The following GATAD2A variants were observed in gnomAD, a reference collection of about 807,000 sequenced individuals.
GATAD2A encodes the protein transcriptional repressor p66-alpha.
Under a neutral mutation model 68.5 loss-of-function variants are expected in GATAD2A, and 12 were observed. The ratio of observed to expected loss-of-function variants is 0.18; its 90% CI spans 0.11 to 0.28. The LOEUF is 0.28. Among genes scored for constraint, GATAD2A ranks in the 10% least tolerant of loss-of-function variants. The probability of loss-of-function intolerance (pLI) is 1.00; values close to 1 mark genes in which losing one functional copy is unlikely to be tolerated. For missense variants in GATAD2A, 755 were observed against 868.5 expected, an observed-to-expected ratio of 0.87 and a Z score of 1.64; for synonymous variants, 410 against 375.3, an observed-to-expected ratio of 1.09 and a Z score of -1.07.
Position 19,425,196 on chromosome 19 carries a change from T to G in GATAD2A, c.-7+19177T>G, listed in dbSNP as rs117558478. ...AAGGTAATACAATTAGTTGAAATAT[T>G]GCAGTGTGGGGAGGCTATTTGGGTG... On this transcript the variant is annotated intron_variant, in intron 1 of 11. Coordinates refer to ENST00000683918, the MANE Select transcript of GATAD2A (RefSeq NM_001384528.1). Among the ~76,000 whole-genome samples the G allele has an allele frequency of 4.8e-3, 729 of 152,282 alleles. 6 individuals are homozygous for G. Among genetic ancestry groups the G allele is most frequent in the South Asian group, 0.041 (196 of 4,824 alleles).
Position 19,495,642 on chromosome 19 carries a change from A to AAAC in GATAD2A, c.625-110_625-109insCAA, listed in dbSNP as rs2060094734. ...TTAACTTCTCTGCTACTTAAAAAAA[A>AAAC]AAAAAAAAAAAAACTAGTATGTACT... On this transcript the variant is annotated intron_variant, in intron 5 of 11. Transcript: ENST00000683918. 9 of 993,560 alleles carry AAAC rather than the reference A, an allele frequency of 9.1e-6. No homozygotes were observed. In the South Asian group the frequency reaches 1.8e-4, roughly 20 times the overall value. 61.5% of individuals were successfully genotyped at this position (993,560 alleles called of 1,614,324 possible).
chr19:19,390,090 C>T (rs951151659), intron 1 of GATAD2A, among the ~76,000 whole-genome samples: 1 of 152,138 alleles, frequency 6.6e-6, no homozygotes, highest in Non-Finnish European at 1.5e-5. Flanking sequence ...ACCTATAGGA[C>T]CAGCAGATGG....
chr19:19,436,141 A>G, intron 1 of GATAD2A: 2 of 1,365,166 alleles, frequency 1.5e-6, no homozygotes, highest in Non-Finnish European at 2.0e-6. Flanking sequence ...GTTGGTCAGC[A>G]CATTGTCTCA....
At chr19:19,492,513 G>A (rs1462614015) in intron 3 of GATAD2A, 68 bp from the exon 4 acceptor site, 2 of 1,611,428 alleles carry the variant, frequency 1.2e-6, no homozygotes, top group East Asian at 2.2e-5. Context: ...GGTGGAGCTA[G>A]TGATGGCAGG....
chr19:19,408,367 C>T (rs532080236), intron 1 of GATAD2A, among the ~76,000 whole-genome samples: 5 of 152,246 alleles, frequency 3.3e-5, no homozygotes, highest in African/African-American at 1.2e-4. Context: ...TTTGGCAAAT[C>T]CTATAATCTT....
chr19:19,397,288 G>T (rs1249871410), intron 1 of GATAD2A, among the ~76,000 whole-genome samples: 4 of 152,088 alleles, frequency 2.6e-5, no homozygotes, highest in Admixed American at 6.5e-5. Context: ...TGTTGCCCAG[G>T]CTGGAGTGCA....
At chr19:19,499,676 G>C (rs2060390918) in intron 8 of GATAD2A, among the ~76,000 whole-genome samples, 2 of 152,156 alleles carry the variant, frequency 1.3e-5, no homozygotes, top group South Asian at 4.1e-4. Flanking sequence ...GTTGCACCCA[G>C]GGTCCCCAAG....
intron 1 of GATAD2A, chr19:19,436,169 A>G (rs1325197071): frequency 7.3e-7 from 1 of 1,366,230 alleles, no homozygotes; most frequent in African/African-American, 1.5e-5. Flanking sequence ...TTTTGATGTC[A>G]CTGTGGCCAT....
chr19:19,473,190 T>C (rs1295276827), intron 2 of GATAD2A, among the ~76,000 whole-genome samples: 2 of 152,156 alleles, frequency 1.3e-5, no homozygotes, highest in Non-Finnish European at 2.9e-5. Flanking sequence ...CACCTCCCCT[T>C]GTACCATGAG....
intron 2 of GATAD2A, among the ~76,000 whole-genome samples, chr19:19,474,537 CTGGTGTGTAT>C (rs1331968752): frequency 1.3e-5 from 2 of 152,112 alleles, no homozygotes; most frequent in Non-Finnish European, 2.9e-5. Context: ...GGATTTGCCC[CTGGTGTGTAT>C]TGGTGTGCCT....
intron 2 of GATAD2A, among the ~76,000 whole-genome samples, chr19:19,475,221 G>A (rs1032175868): frequency 1.3e-5 from 2 of 152,368 alleles, no homozygotes; most frequent in Non-Finnish European, 2.9e-5. Flanking sequence ...ATGGACTAAT[G>A]TGGCACAGCT....
chr19:19,441,446 T>C (rs1200087426), intron 1 of GATAD2A, among the ~76,000 whole-genome samples: 1 of 152,188 alleles, frequency 6.6e-6, no homozygotes, highest in Non-Finnish European at 1.5e-5. Context: ...TGGAGTGCAG[T>C]GGTGTGATCA....
intron 5 of GATAD2A, among the ~76,000 whole-genome samples, chr19:19,495,259 G>A (rs911776260): frequency 6.6e-6 from 1 of 151,244 alleles, no homozygotes; most frequent in Admixed American, 6.6e-5. Context: ...CTCCCAATGT[G>A]TTGGAATTAC....
chr19:19,430,961 G>A (rs2053651758), intron 1 of GATAD2A, among the ~76,000 whole-genome samples: 1 of 140,854 alleles, frequency 7.1e-6, no homozygotes, highest in African/African-American at 2.7e-5. Context: ...GTGTTTGGGT[G>A]GGTTGTATGG....
chr19:19,454,514 G>A (rs1220295277), intron 1 of GATAD2A, among the ~76,000 whole-genome samples: 1 of 151,778 alleles, frequency 6.6e-6, no homozygotes, highest in Admixed American at 6.6e-5. Context: ...TAGGAAGATC[G>A]CTTGAACCTG....
intron 2 of GATAD2A, among the ~76,000 whole-genome samples, chr19:19,486,887 T>A (rs1483323946): frequency 6.6e-6 from 1 of 152,180 alleles, no homozygotes; most frequent in Non-Finnish European, 1.5e-5. Context: ...GAGGGAAGTG[T>A]CACTTGCAAG....
chr19:19,426,141 G>C (rs1340136757), intron 1 of GATAD2A, among the ~76,000 whole-genome samples: 1 of 152,142 alleles, frequency 6.6e-6, no homozygotes, highest in Admixed American at 6.5e-5. Context: ...GGGGCACTAT[G>C]GGTGGGTTGT....
chr19:19,485,902 A>G (rs1204992589), intron 2 of GATAD2A, among the ~76,000 whole-genome samples: 1 of 152,232 alleles, frequency 6.6e-6, no homozygotes, highest in African/African-American at 2.4e-5. Flanking sequence ...AAGACGCACG[A>G]TGACACACAA....
At chr19:19,459,699 A>C (rs2057254892) in intron 1 of GATAD2A, among the ~76,000 whole-genome samples, 1 of 152,228 alleles carries the variant, frequency 6.6e-6, no homozygotes, top group African/African-American at 2.4e-5. Flanking sequence ...CTCTTGGCCC[A>C]CTGAAGCTTC....
Sources: allele counts gnomAD v4.1 joint callset (sites outside exome capture counted in the v4.1 genomes callset), GRCh38; gene constraint gnomAD v4.1.1; transcripts MANE v1.5; gene names NCBI Gene and HGNC (gene_info 2026-07-23, HGNC 2026-07-21).